Variants in PCDH11X observed in about 807,000 individuals in gnomAD.
PCDH11X encodes protocadherin 11 X-linked, also known as protocadherin-11 X-linked.
PCDH11X carries 18 observed loss-of-function variants against 53.3 expected under a neutral mutation model. That is an observed-to-expected ratio of 0.34 (90% CI 0.23 to 0.50). PCDH11X has a LOEUF of 0.50. Among genes scored for constraint, PCDH11X ranks in the 20% least tolerant of loss-of-function variants. PCDH11X has a pLI of 0.98. For missense variants in PCDH11X, 570 were observed against 1,032.4 expected (o/e 0.55, Z 6.14); for synonymous variants, 279 against 393.3 (o/e 0.71, Z 3.44).
chrX:92,575,000 G>C (rs1329167747), intron 10 of PCDH11X, among the ~76,000 whole-genome samples: 9 of 110,581 alleles, frequency 8.1e-5, no homozygotes, highest in Non-Finnish European at 1.5e-4. Flanking sequence ...AAAGTGCGCT[G>C]CTTTTGGTAT....
At chrX:92,511,230 T>C (rs2148706759) in intron 10 of PCDH11X, among the ~76,000 whole-genome samples, 1 of 111,919 alleles carries the variant, frequency 8.9e-6, no homozygotes, top group South Asian at 3.7e-4. Context: ...TGTGTAATTT[T>C]AGAATTCTCA....
chrX:91,844,695 C>G (rs753443140), intron 5 of PCDH11X, among the ~76,000 whole-genome samples: 1 of 104,237 alleles, frequency 9.6e-6, no homozygotes, highest in South Asian at 4.5e-4. Flanking sequence ...TATCCTTTTT[C>G]AAGCAGAAGA....
At chrX:92,427,063 T>A (rs1005195808) in intron 9 of PCDH11X, among the ~76,000 whole-genome samples, 8 of 110,152 alleles carry the variant, frequency 7.3e-5, no homozygotes, top group African/African-American at 2.3e-4. Flanking sequence ...TTCTTTCCCT[T>A]CTTTTCTCCT....
chrX:92,612,189 T>A (rs142861004), intron 10 of PCDH11X, among the ~76,000 whole-genome samples: 1,800 of 110,868 alleles, frequency 0.016, 44 homozygotes, highest in African/African-American at 0.056. Context: ...TTTTTGTATG[T>A]CTGGTACAAT....
intron 8 of PCDH11X, among the ~76,000 whole-genome samples, chrX:92,272,394 G>T (rs1275140090): frequency 6.3e-5 from 7 of 111,351 alleles, no homozygotes; most frequent in Admixed American, 1.9e-4. Flanking sequence ...TAACTCACAG[G>T]GATCTCACAG....
At chrX:91,929,809 C>T (rs3952171) in intron 6 of PCDH11X, among the ~76,000 whole-genome samples, 1,261 of 111,104 alleles carry the variant, frequency 0.011, 41 homozygotes, top group Admixed American at 0.11. Flanking sequence ...GACAGTTTGA[C>T]TCTCAGAAAT....
intron 1 of PCDH11X, among the ~76,000 whole-genome samples, chrX:91,789,082 C>A (rs1346570721): frequency 9.5e-6 from 1 of 105,672 alleles, no homozygotes; most frequent in African/African-American, 3.4e-5. Context: ...CGCGCCTGTA[C>A]TCCCAGCTAC....
intron 8 of PCDH11X, among the ~76,000 whole-genome samples, 171 bp downstream of exon 8, chrX:92,263,314 C>T (rs1264175937): frequency 9.0e-6 from 1 of 111,630 alleles, no homozygotes; most frequent in Non-Finnish European, 1.9e-5. Context: ...TTGTATCGCA[C>T]AGTTCTGGAA....
intron 6 of PCDH11X, among the ~76,000 whole-genome samples, chrX:91,990,431 A>G (rs1385617236): frequency 5.5e-5 from 6 of 108,750 alleles, no homozygotes; most frequent in Non-Finnish European, 1.1e-4. Context: ...TTCCCAAATA[A>G]TTCTAACAAT....
At chrX:92,331,665 C>T (rs1423725162) in intron 8 of PCDH11X, among the ~76,000 whole-genome samples, 1 of 110,515 alleles carries the variant, frequency 9.0e-6, no homozygotes, top group African/African-American at 3.3e-5. Flanking sequence ...TCAATATATA[C>T]CATAATAGAT....
chrX:92,609,924 T>C (rs1195839103), intron 10 of PCDH11X, among the ~76,000 whole-genome samples: 3 of 111,654 alleles, frequency 2.7e-5, no homozygotes, highest in East Asian at 5.7e-4. Flanking sequence ...GCAAATAACA[T>C]AGTTTGTTCT....
chrX:92,078,458 G>C (rs1478413954), intron 6 of PCDH11X, among the ~76,000 whole-genome samples: 1 of 111,014 alleles, frequency 9.0e-6, no homozygotes, highest in African/African-American at 3.3e-5. Flanking sequence ...CTTGAAACAC[G>C]CTTATAATAT....
chrX:92,567,888 A>G (rs182729044), intron 10 of PCDH11X, among the ~76,000 whole-genome samples: 3,063 of 107,306 alleles, frequency 0.029, 81 homozygotes, highest in African/African-American at 0.089. Flanking sequence ...AAAATAGCTA[A>G]TGGATGCTGG....
At chrX:91,968,871 C>T (rs1361128866) in intron 6 of PCDH11X, among the ~76,000 whole-genome samples, 1 of 111,578 alleles carries the variant, frequency 9.0e-6, no homozygotes, top group East Asian at 2.8e-4. Context: ...ATATGTATAA[C>T]ATGGAATTAT....
At chrX:92,273,284 G>T (rs2067999924) in intron 8 of PCDH11X, among the ~76,000 whole-genome samples, 1 of 110,672 alleles carries the variant, frequency 9.0e-6, no homozygotes, top group African/African-American at 3.3e-5. Context: ...CAGGGGCGGG[G>T]GTCACAAGGT....
intron 6 of PCDH11X, among the ~76,000 whole-genome samples, chrX:92,167,808 A>G (rs939258525): frequency 2.7e-5 from 3 of 111,642 alleles, no homozygotes; most frequent in Non-Finnish European, 5.6e-5. Context: ...ATGTATTTTT[A>G]GAGGAAATTA....
intron 10 of PCDH11X, among the ~76,000 whole-genome samples, chrX:92,506,216 C>T (rs2983553): frequency 3.2e-4 from 13 of 40,173 alleles, no homozygotes; most frequent in Non-Finnish European, 4.5e-4. Flanking sequence ...CTTTTCTTTT[C>T]TTTTTTTTTT....
intron 10 of PCDH11X, among the ~76,000 whole-genome samples, chrX:92,522,419 G>C (rs1309378887): frequency 9.0e-6 from 1 of 111,176 alleles, no homozygotes; most frequent in Non-Finnish European, 1.9e-5. Flanking sequence ...GTATCCAAAA[G>C]CAATTATAAT....
chrX:92,410,272 A>G (rs909802838), intron 9 of PCDH11X, among the ~76,000 whole-genome samples: 50 of 108,780 alleles, frequency 4.6e-4, no homozygotes, highest in Admixed American at 5.0e-4. Context: ...TTCTCCTCCT[A>G]TTGCTTTCTG....
Sources: allele counts gnomAD v4.1 joint callset (sites outside exome capture counted in the v4.1 genomes callset), GRCh38; gene constraint gnomAD v4.1.1; transcripts MANE v1.5; gene names NCBI Gene and HGNC (gene_info 2026-07-23, HGNC 2026-07-21).